Variants in NPAS3 observed in about 807,000 individuals in gnomAD.
NPAS3 encodes the protein neuronal PAS domain-containing protein 3.
In NPAS3, 14 loss-of-function variants were observed where a neutral mutation model predicts 73.1. The ratio of observed to expected loss-of-function variants is 0.19; its 90% CI spans 0.13 to 0.30. The LOEUF (loss-of-function observed/expected upper bound fraction) is 0.30, where lower values mean the gene tolerates loss of function less well. NPAS3 is among the 10% of genes least tolerant of loss of function. The probability of loss-of-function intolerance (pLI) is 1.00; values close to 1 mark genes in which losing one functional copy is unlikely to be tolerated. For missense variants in NPAS3, 1,096 were observed against 1,250.0 expected (o/e 0.88, Z 1.86); for synonymous variants, 620 against 541.5 (o/e 1.14, Z -2.01).
chr14:33,102,591 C>T (rs17538143), intron 2 of NPAS3, among the ~76,000 whole-genome samples: 23,010 of 152,036 alleles, frequency 0.15, 2,036 homozygotes, highest in Non-Finnish European at 0.21. Flanking sequence ...ATTGGAGTGC[C>T]GCCTAGGAAT....
chr14:33,520,669 C>G (rs1304879861), intron 4 of NPAS3, among the ~76,000 whole-genome samples: 1 of 152,032 alleles, frequency 6.6e-6, no homozygotes, highest in Non-Finnish European at 1.5e-5. Flanking sequence ...GGAATAAAAA[C>G]AACACAATTA....
At chr14:33,518,393 A>G (rs1446824632) in intron 4 of NPAS3, among the ~76,000 whole-genome samples, 3 of 152,012 alleles carry the variant, frequency 2.0e-5, no homozygotes, top group Non-Finnish European at 2.9e-5. Context: ...ATAGAAATGG[A>G]GCTGCTTGTG....
intron 2 of NPAS3, among the ~76,000 whole-genome samples, chr14:33,087,134 TGTATAATAATATAGTATACA>T (rs2042054711): frequency 8.4e-6 from 1 of 119,646 alleles, no homozygotes; most frequent in Non-Finnish European, 1.6e-5. Flanking sequence ...AATATAATAT[TGTATAATAATATAGTATACA>T]ATATAATATT....
At chr14:33,371,465 A>G (rs2140436813) in intron 4 of NPAS3, among the ~76,000 whole-genome samples, 1 of 152,286 alleles carries the variant, frequency 6.6e-6, no homozygotes, top group East Asian at 1.9e-4. Flanking sequence ...AAAAGAGATG[A>G]AAACCTAACT....
chr14:33,367,591 G>A (rs202241221), intron 4 of NPAS3, among the ~76,000 whole-genome samples: 2 of 138,080 alleles, frequency 1.4e-5, no homozygotes, highest in African/African-American at 5.4e-5. Flanking sequence ...AAGTGGATCT[G>A]TGTGTGTCTT....
chr14:33,250,024 T>C (rs776861428), intron 3 of NPAS3, among the ~76,000 whole-genome samples: 37 of 152,138 alleles, frequency 2.4e-4, no homozygotes, highest in Non-Finnish European at 4.6e-4. Flanking sequence ...TACAAACAAG[T>C]GGCCACTTAC....
intron 7 of NPAS3, among the ~76,000 whole-genome samples, chr14:33,769,033 T>A (rs1219033075): frequency 6.6e-6 from 1 of 152,144 alleles, no homozygotes; most frequent in Non-Finnish European, 1.5e-5. Context: ...TTCAGAAAAG[T>A]GCTATTTTTT....
chr14:33,069,335 T>C (rs760333511), intron 2 of NPAS3, among the ~76,000 whole-genome samples: 1 of 152,228 alleles, frequency 6.6e-6, no homozygotes, highest in Non-Finnish European at 1.5e-5. Flanking sequence ...AGGCTATGTG[T>C]ATGTACGGAT....
intron 1 of NPAS3, among the ~76,000 whole-genome samples, chr14:33,049,712 T>C (rs2040636444): frequency 6.6e-6 from 1 of 152,174 alleles, no homozygotes; most frequent in Non-Finnish European, 1.5e-5. Context: ...GTCATATAGC[T>C]AGTAGCGGCA....
chr14:32,952,289 A>G (rs962080798), intron 1 of NPAS3, among the ~76,000 whole-genome samples: 4 of 152,158 alleles, frequency 2.6e-5, no homozygotes, highest in African/African-American at 9.7e-5. Context: ...TTAAAATGTT[A>G]TAATGTGTAC....
intron 7 of NPAS3, among the ~76,000 whole-genome samples, chr14:33,767,215 A>G (rs1348074810): frequency 6.6e-6 from 1 of 152,212 alleles, no homozygotes; most frequent in East Asian, 1.9e-4. Flanking sequence ...TCTCCAGCCT[A>G]TGAATATGGT....
At chr14:33,569,852 G>A (rs1343844945) in intron 5 of NPAS3, among the ~76,000 whole-genome samples, 1 of 152,234 alleles carries the variant, frequency 6.6e-6, no homozygotes, top group Non-Finnish European at 1.5e-5. Flanking sequence ...TTATAAACAG[G>A]GGAGACGCAG....
At chr14:33,215,130 G>T in intron 2 of NPAS3, 52 bp from the exon 3 acceptor site, 1 of 1,566,492 alleles carries the variant, frequency 6.4e-7, no homozygotes, top group South Asian at 1.2e-5. Flanking sequence ...GTATTTGAAT[G>T]ATGACAGAGT....
At chr14:33,475,463 G>T (rs1688005330) in intron 4 of NPAS3, among the ~76,000 whole-genome samples, 1 of 150,706 alleles carries the variant, frequency 6.6e-6, no homozygotes, top group Non-Finnish European at 1.5e-5. Flanking sequence ...TGCTCACTGT[G>T]TGCAAAGCAT....
At chr14:33,319,475 C>A (rs1232947509) in intron 3 of NPAS3, among the ~76,000 whole-genome samples, 1 of 152,044 alleles carries the variant, frequency 6.6e-6, no homozygotes, top group East Asian at 1.9e-4. Flanking sequence ...ACAGCCCCTG[C>A]CTTCAAAGAA....
At chr14:33,742,680 G>A (rs117627315) in intron 7 of NPAS3, among the ~76,000 whole-genome samples, 2,395 of 152,282 alleles carry the variant, frequency 0.016, 65 homozygotes, top group Admixed American at 0.071. Context: ...AGTTTGTCAC[G>A]TAGATTGATT....
At chr14:33,311,281 G>T (rs1255629920) in intron 3 of NPAS3, among the ~76,000 whole-genome samples, 1 of 152,064 alleles carries the variant, frequency 6.6e-6, no homozygotes, top group Non-Finnish European at 1.5e-5. Context: ...GAACAGTGCA[G>T]TGAGCACCCA....
At chr14:33,396,574 C>T (rs2047231459) in intron 4 of NPAS3, among the ~76,000 whole-genome samples, 1 of 152,162 alleles carries the variant, frequency 6.6e-6, no homozygotes, top group South Asian at 2.1e-4. Flanking sequence ...CCTCACTATT[C>T]CTGGCCATTC....
At chr14:33,084,207 T>C (rs922587641) in intron 2 of NPAS3, among the ~76,000 whole-genome samples, 7 of 152,254 alleles carry the variant, frequency 4.6e-5, no homozygotes, top group Admixed American at 1.3e-4. Context: ...TTGGCACCAC[T>C]ATAAGTTTGA....
Sources: gnomAD v4.1 joint callset for allele counts (sites outside exome capture counted in the v4.1 genomes callset) on GRCh38, gnomAD v4.1.1 for gene constraint, MANE v1.5 for transcripts, NCBI Gene and HGNC (gene_info 2026-07-23, HGNC 2026-07-21) for gene names.